The following KCNJ4 variants were observed in gnomAD, a reference collection of about 807,000 sequenced individuals.
KCNJ4 encodes potassium inwardly rectifying channel subfamily J member 4.
KCNJ4 carries 3 observed loss-of-function variants against 25.6 expected under a neutral mutation model. The ratio of observed to expected loss-of-function variants is 0.12; its 90% confidence interval spans 0.05 to 0.30. The LOEUF is 0.30. Among genes scored for constraint, KCNJ4 ranks in the 10% least tolerant of loss-of-function variants. The probability of loss-of-function intolerance (pLI) is 1.00; values close to 1 mark genes in which losing one functional copy is unlikely to be tolerated. For synonymous variants in KCNJ4, 257 were observed against 283.9 expected (o/e 0.91, Z 0.95); for missense variants, 286 against 666.8 (o/e 0.43, Z 6.29).
intron 1 of KCNJ4, among the ~76,000 whole-genome samples, chr22:38,442,408 G>A (rs2089341439): frequency 2.0e-5 from 3 of 151,958 alleles, no homozygotes; most frequent in Non-Finnish European, 4.4e-5. Flanking sequence ...TTAGCCAGGC[G>A]TGGTGGCGGG....
chr22:38,429,160 C>T (rs474525), intron 1 of KCNJ4, among the ~76,000 whole-genome samples: 100,336 of 151,386 alleles, frequency 0.66, 33,672 homozygotes, highest in East Asian at 0.93. Context: ...GAGCTCCTTT[C>T]TTAGACTCTT....
chr22:38,430,575 G>A (rs1267445119), intron 1 of KCNJ4, among the ~76,000 whole-genome samples: 1 of 152,158 alleles, frequency 6.6e-6, no homozygotes. Context: ...ATGCAGGCAC[G>A]GCCTCTAACG....
intron 1 of KCNJ4, among the ~76,000 whole-genome samples, chr22:38,442,660 A>G (rs558205321): frequency 6.6e-6 from 1 of 152,192 alleles, no homozygotes; most frequent in Admixed American, 6.5e-5. Context: ...TAAAATGGGA[A>G]GGAATAACAC....
chr22:38,435,687 T>C (rs966536801), intron 1 of KCNJ4, among the ~76,000 whole-genome samples: 2 of 149,358 alleles, frequency 1.3e-5, no homozygotes, highest in Non-Finnish European at 3.0e-5. Flanking sequence ...AGCGAGACTC[T>C]GTCTCGGGAA....
Position 38,427,047 on chromosome 22 carries a change from G to C in KCNJ4, c.1086C>G (p.Pro362=), listed in dbSNP as rs758451662. 1.9e-6 allele frequency: 3 copies of C among 1,612,580 alleles called. No homozygotes were observed. In the South Asian group the frequency reaches 3.3e-5, roughly 18 times the overall value. The change falls in exon 2 of 2, where the codon CCC becomes CCG. Residue 362 remains proline, a synonymous_variant. Coordinates refer to ENST00000303592, the MANE Select transcript of KCNJ4 (RefSeq NM_152868.3). ...AGGCACTGGGAGGGGGCGGTGGGGC[G>C]GGCAGCACGGTGATCTTACTCTCCT... is the stretch of plus-strand genomic sequence containing the variant. The part of the protein sequence containing the change: ...ELQESKITVL[P]APPPPPSAFC...
chr22:38,427,850 C>T lies in KCNJ4; in HGVS notation c.283G>A (p.Ala95Thr). ...CCACCCGCCGCCGGGCCCCCCGCCG[C>T]AGGCACCCCTGGGCTGGCCTCCAGG... ...GDLEASPGVP[A>T]AGGPAAGGGG... The change falls in exon 2 of 2, where the codon GCG becomes ACG. Residue 95 changes from alanine to threonine, a missense_variant. Around this residue, in one of 11 missense-constraint regions of KCNJ4, gnomAD observed 22 missense variants for 25.8 expected, o/e 0.85. Transcript: ENST00000303592. 1.2e-6 allele frequency: 2 copies of T among 1,610,498 alleles called. No individual in the cohort carries two copies. The highest frequency in any genetic ancestry group is 1.7e-6 in the Non-Finnish European group (2 of 1,178,138).
At position 38,428,094 on chromosome 22, in the gene KCNJ4, G is replaced by C. The variant is rs1445446583; in HGVS notation, c.39C>G (p.Pro13=). Residue 13 remains proline, a synonymous_variant, in exon 2 of 2, where the codon CCC becomes CCG. Transcript: ENST00000303592. ...CGAAGCGGTTGCGGCGCTTCCGCCG[G>C]GGCACGTGGGCCTGGCCGTTGCGGC... ...GHSRNGQAHV[P]RRKRRNRFVK... The C allele has an allele frequency of 6.2e-7, 1 of 1,613,382 alleles. No homozygotes were observed. The highest frequency in any genetic ancestry group is 8.5e-7 in the Non-Finnish European group (1 of 1,179,680).
intron 1 of KCNJ4, among the ~76,000 whole-genome samples, chr22:38,448,713 G>A (rs1368458204): frequency 6.6e-6 from 1 of 152,202 alleles, no homozygotes; most frequent in African/African-American, 2.4e-5. Context: ...CACCATTGCT[G>A]AGTGACCCTG....
At position 38,443,423 on chromosome 22, in the gene KCNJ4, C is replaced by T. The variant is rs1014403393; in HGVS notation, c.-40+11557G>A. ...TCTGCTGGACAGTGAAGAGGCATCG[C>T]GAACCCGGCACTGCCAAGCCCAAGC... On this transcript the variant is annotated intron_variant, in intron 1 of 1. Transcript: ENST00000303592. This position sits in a 1 kb window ranked among gnomAD's most constrained non-coding sequence, Gnocchi z 4.1. Among the ~76,000 whole-genome samples the T allele has an allele frequency of 1.3e-5, 2 of 152,128 alleles. No homozygotes were observed. Among genetic ancestry groups the T allele is most frequent in the Non-Finnish European group, 2.9e-5 (2 of 68,016 alleles).
In KCNJ4 at chr22:38,426,900, C is replaced by T. The variant is rs105153; in HGVS notation, c.1233G>A (p.Ala411=). ...LGLEAGSKEE[A]GIIRMLEFGS... is the part of the protein sequence containing the mutation. ...CGAACTCCAGCATCCGGATGATGCC[C>T]GCCTCCTCCTTGGAACCCGCCTCCA... Residue 411 remains alanine (A), a synonymous_variant, in exon 2 of 2, where the codon GCG becomes GCA. Transcript: ENST00000303592. The T allele has an allele frequency of 0.028, 44,507 of 1,613,004 alleles. 1,611 individuals are homozygous for T. The highest frequency in any genetic ancestry group is 0.17 in the African/African-American group (12,952 of 74,942).
rs1320383527 is a variant in KCNJ4, at chr22:38,455,189, G to C, written c.-249C>G. ...GGTCTCCGCGCGTCCCGGCCGTCCC[G>C]CGCCGCTCCCCGCGGGCCGCCCAAC... is the stretch of plus-strand genomic sequence containing the variant. On this transcript the variant is annotated 5_prime_UTR_variant, in exon 1 of 2. Transcript: ENST00000303592. 2.0e-5 allele frequency: 3 copies of C among 146,958 alleles called. No homozygotes were observed. The highest frequency in any genetic ancestry group is 4.5e-5 in the Non-Finnish European group (3 of 66,290). The allele number at this position is 146,958 out of a possible 1,614,324, so 9.1% of individuals were successfully genotyped here.
At chr22:38,439,355 C>T (rs890770124) in intron 1 of KCNJ4, among the ~76,000 whole-genome samples, 4 of 151,964 alleles carry the variant, frequency 2.6e-5, no homozygotes, top group African/African-American at 7.3e-5. Flanking sequence ...TCACTTAAAC[C>T]CGGGAGGCGG....
At chr22:38,446,739 G>A (rs2089376818) in intron 1 of KCNJ4, among the ~76,000 whole-genome samples, 1 of 152,080 alleles carries the variant, frequency 6.6e-6, no homozygotes, top group Non-Finnish European at 1.5e-5. Context: ...TGGATCACAT[G>A]AGGGTCAGGA....
intron 1 of KCNJ4, among the ~76,000 whole-genome samples, chr22:38,429,157 T>G (rs1297108962): frequency 6.6e-6 from 1 of 151,928 alleles, no homozygotes; most frequent in Non-Finnish European, 1.5e-5. Flanking sequence ...TCTGAGCTCC[T>G]TTCTTAGACT....
chr22:38,439,385 T>TCA (rs1431539953), intron 1 of KCNJ4, among the ~76,000 whole-genome samples: 3 of 152,048 alleles, frequency 2.0e-5, no homozygotes, highest in Non-Finnish European at 4.4e-5. Flanking sequence ...TCAGCCAAGG[T>TCA]CACACCATTG....
intron 1 of KCNJ4, among the ~76,000 whole-genome samples, chr22:38,430,773 G>T (rs192160644): frequency 6.6e-6 from 1 of 152,338 alleles, no homozygotes; most frequent in Non-Finnish European, 1.5e-5. Context: ...CCCACTGCCT[G>T]AAATGGCTCC....
chr22:38,441,617 C>G (rs1262438669), intron 1 of KCNJ4, among the ~76,000 whole-genome samples: 1 of 152,064 alleles, frequency 6.6e-6, no homozygotes, highest in African/African-American at 2.4e-5. Context: ...CTCTGGGATG[C>G]TCGGCTGGCC....
rs545598882 is a variant in KCNJ4, at chr22:38,443,972, A to G, written c.-40+11008T>C. On this transcript the variant is annotated intron_variant, in intron 1 of 1. Coordinates refer to ENST00000303592, the MANE Select transcript of KCNJ4 (RefSeq NM_152868.3). This position sits in a 1 kb window ranked among gnomAD's most constrained non-coding sequence, Gnocchi z 4.1. The stretch of plus-strand genomic sequence containing the variant: ...TTCCTTCCCGTCCCTTTAACGCACC[A>G]AGTTTATTCCTGTCTCTGGGCCTTT... 6.6e-5 allele frequency among the ~76,000 whole-genome samples: 10 copies of G among 151,882 alleles called. No homozygotes were observed. In the East Asian group the frequency reaches 1.7e-3, roughly 27 times the overall value.
chr22:38,430,274 G>A (rs1022089194), intron 1 of KCNJ4, among the ~76,000 whole-genome samples: 1 of 152,188 alleles, frequency 6.6e-6, no homozygotes, highest in African/African-American at 2.4e-5. Context: ...AGGCCGAGGC[G>A]GGTGGATCAC....
Sources: allele counts gnomAD v4.1 joint callset (sites outside exome capture counted in the v4.1 genomes callset), GRCh38; gene constraint gnomAD v4.1.1; regional missense constraint gnomAD v4.1.1; non-coding constraint Gnocchi (gnomAD v3.1); transcripts MANE v1.5; gene names NCBI Gene and HGNC (gene_info 2026-07-23, HGNC 2026-07-21).